The following WWOX variants were observed in gnomAD, a reference collection of about 807,000 sequenced individuals.
WWOX encodes WW domain-containing oxidoreductase.
In WWOX, 69 loss-of-function variants were observed where a neutral mutation model predicts 46.2. The ratio of observed to expected loss-of-function variants is 1.49; its 90% CI spans 1.23 to 1.82. WWOX has a LOEUF of 1.82. Ranked by LOEUF, WWOX falls within the 40% of genes most tolerant of loss-of-function variation. The pLI is 0.00. For missense variants in WWOX, 919 were observed against 542.6 expected (o/e 1.69, Z -6.89); for synonymous variants, 359 against 202.6 (o/e 1.77, Z -6.56).
intron 8 of WWOX, among the ~76,000 whole-genome samples, chr16:78,502,651 C>T (rs1314006084): frequency 1.3e-5 from 2 of 152,164 alleles, no homozygotes; most frequent in Non-Finnish European, 2.9e-5. Context: ...CCACAAGTTT[C>T]AGCATGGACT....
At chr16:78,830,826 A>C (rs749440398) in intron 8 of WWOX, among the ~76,000 whole-genome samples, 1 of 151,502 alleles carries the variant, frequency 6.6e-6, no homozygotes, top group African/African-American at 2.4e-5. Flanking sequence ...GTAAATGACT[A>C]TTTCTGTCGT....
chr16:78,678,297 G>A (rs140508904), intron 8 of WWOX, among the ~76,000 whole-genome samples: 3,073 of 152,288 alleles, frequency 0.02, 111 homozygotes, highest in African/African-American at 0.071. Context: ...GATCGCTTGA[G>A]CCCAGGAGGT....
intron 5 of WWOX, among the ~76,000 whole-genome samples, chr16:78,376,566 G>A (rs1238158043): frequency 6.6e-6 from 1 of 152,168 alleles, no homozygotes; most frequent in African/African-American, 2.4e-5. Flanking sequence ...GTGAACCGAA[G>A]TGCCTATGAC....
Position 78,575,963 on chromosome 16 carries a change from G to A in WWOX, c.1056+143211G>A, listed in dbSNP as rs1206935451. 5.3e-5 allele frequency among the ~76,000 whole-genome samples: 8 copies of A among 151,222 alleles called. No homozygotes were observed. The East Asian group carries it at 1.5e-3, about 29-fold the overall frequency. Reference sequence around the variant, plus strand: ...TAAATTTTACCCTGTGGAGTAAAATGCAAACACAAAATTATTTTTTTCATT... The same window carrying A: ...TAAATTTTACCCTGTGGAGTAAAATACAAACACAAAATTATTTTTTTCATT... On this transcript the variant is annotated intron_variant, in intron 8 of 8. Transcript: ENST00000566780.
chr16:78,594,233 T>G lies in WWOX; in HGVS notation c.1056+161481T>G, dbSNP rs189162367. 2.3e-3 allele frequency among the ~76,000 whole-genome samples: 344 copies of G among 152,234 alleles called. 2 individuals carry two copies. The highest frequency in any genetic ancestry group is 7.7e-3 in the African/African-American group (320 of 41,554). On this transcript the variant is annotated intron_variant, in intron 8 of 8. Coordinates refer to ENST00000566780, the MANE Select transcript of WWOX (RefSeq NM_016373.4). ...ACGAAGCAAACCTATGTGTATGTGT[T>G]TGTGTGTGCATCAATTCATATGGTC...
chr16:78,228,981 T>G (rs566987265), intron 5 of WWOX, among the ~76,000 whole-genome samples: 1 of 152,302 alleles, frequency 6.6e-6, no homozygotes, highest in East Asian at 1.9e-4. Flanking sequence ...TTACTTCTAT[T>G]TTTGCACCTT....
intron 8 of WWOX, among the ~76,000 whole-genome samples, chr16:78,812,592 C>G (rs2051218671): frequency 6.6e-6 from 1 of 151,870 alleles, no homozygotes; most frequent in African/African-American, 2.4e-5. Flanking sequence ...CAGGCCTAGG[C>G]GCAGGCACCT....
At chr16:78,357,953 C>A (rs1357774671) in intron 5 of WWOX, among the ~76,000 whole-genome samples, 1 of 152,166 alleles carries the variant, frequency 6.6e-6, no homozygotes, top group East Asian at 1.9e-4. Flanking sequence ...GCCAGTTATT[C>A]CTCTTTGTCA....
chr16:78,163,933 G>C (rs1291281022), intron 4 of WWOX, among the ~76,000 whole-genome samples: 1 of 152,124 alleles, frequency 6.6e-6, no homozygotes. Flanking sequence ...TATGTTGTCA[G>C]GGGCTGCCCT....
chr16:78,218,948 A>G (rs1185360607), intron 5 of WWOX, among the ~76,000 whole-genome samples: 1 of 152,246 alleles, frequency 6.6e-6, no homozygotes, highest in Non-Finnish European at 1.5e-5. Flanking sequence ...ATGCTTCACA[A>G]TTTGAAAACT....
chr16:78,883,541 T>C (rs950252383), intron 8 of WWOX, among the ~76,000 whole-genome samples: 1 of 152,046 alleles, frequency 6.6e-6, no homozygotes, highest in Non-Finnish European at 1.5e-5. Flanking sequence ...CTGGCGAACA[T>C]GGCAAAACCC....
Position 79,106,453 on chromosome 16 carries a change from A to C in WWOX, c.1057-105155A>C, listed in dbSNP as rs187614548. On this transcript the variant is annotated intron_variant, in intron 8 of 8. Coordinates refer to ENST00000566780, the MANE Select transcript of WWOX (RefSeq NM_016373.4). ...TCAAGATTGAGGGATTCTGGGATGA[A>C]TCTGGGGACACTTTTTGGTCCCTGA... 7.2e-5 allele frequency among the ~76,000 whole-genome samples: 11 copies of C among 152,244 alleles called. No homozygotes were observed. In the South Asian group the frequency reaches 2.3e-3, roughly 32 times the overall value.
chr16:78,705,988 A>G (rs1259276544), intron 8 of WWOX, among the ~76,000 whole-genome samples: 2 of 149,312 alleles, frequency 1.3e-5, no homozygotes, highest in African/African-American at 4.9e-5. Context: ...AGTGACTCAG[A>G]TAGGTGTGTA....
intron 8 of WWOX, among the ~76,000 whole-genome samples, chr16:78,842,714 A>C (rs1185866120): frequency 6.6e-6 from 1 of 152,106 alleles, no homozygotes; most frequent in East Asian, 1.9e-4. Flanking sequence ...AAGTAAAAAA[A>C]ATCAACTCAC....
intron 8 of WWOX, among the ~76,000 whole-genome samples, chr16:78,520,140 C>T (rs530693602): frequency 7.9e-5 from 12 of 152,316 alleles, no homozygotes; most frequent in African/African-American, 2.6e-4. Context: ...CATCCTTGTT[C>T]GCATGTCCAG....
intron 8 of WWOX, among the ~76,000 whole-genome samples, chr16:78,437,052 A>T (rs1399437026): frequency 6.6e-6 from 1 of 152,164 alleles, no homozygotes; most frequent in Admixed American, 6.5e-5. Context: ...CTTTTACCTT[A>T]GAGAGGGTGC....
At chr16:78,563,722 T>G (rs1015237089) in intron 8 of WWOX, among the ~76,000 whole-genome samples, 2 of 152,106 alleles carry the variant, frequency 1.3e-5, no homozygotes, top group Non-Finnish European at 2.9e-5. Flanking sequence ...TGTATTTGTG[T>G]CCTGGTTGGC....
chr16:78,368,628 T>C (rs1445617840), intron 5 of WWOX, among the ~76,000 whole-genome samples: 1 of 152,226 alleles, frequency 6.6e-6, no homozygotes, highest in Non-Finnish European at 1.5e-5. Flanking sequence ...CAGGGTGTAT[T>C]AACATGCATG....
Position 78,622,618 on chromosome 16 carries a change from C to A in WWOX, c.1056+189866C>A, listed in dbSNP as rs553477474. Among the ~76,000 whole-genome samples, 3 of 152,160 alleles carry A rather than the reference C, an allele frequency of 2.0e-5. No homozygotes were observed. The East Asian group carries it at 5.8e-4, about 29-fold the overall frequency. On this transcript the variant is annotated intron_variant, in intron 8 of 8. Transcript: ENST00000566780. ...GGACCCTAAGACGGCCCCAGTGATACCCCACCTCCTGGTGTCCAAGGCCTG... is the reference window on the plus strand; with the variant it reads ...GGACCCTAAGACGGCCCCAGTGATAACCCACCTCCTGGTGTCCAAGGCCTG...
Sources: allele counts gnomAD v4.1 joint callset (sites outside exome capture counted in the v4.1 genomes callset), GRCh38; gene constraint gnomAD v4.1.1; transcripts MANE v1.5; gene names NCBI Gene and HGNC (gene_info 2026-07-23, HGNC 2026-07-21).